The following FHIT variants were observed in gnomAD, a reference collection of about 807,000 sequenced individuals.
FHIT encodes the protein bis(5'-adenosyl)-triphosphatase.
A neutral mutation model predicts 17.9 loss-of-function variants in FHIT; 19 were observed. That is an observed-to-expected ratio of 1.06 (90% CI 0.74 to 1.56). The LOEUF (loss-of-function observed/expected upper bound fraction) is 1.56. Ranked by LOEUF, FHIT falls within the 40% of genes most tolerant of loss-of-function variation. FHIT has a pLI of 0.00. For synonymous variants in FHIT, 81 were observed against 69.7 expected, an observed-to-expected ratio of 1.16 and a Z score of -0.81; for missense variants, 248 against 189.2, an observed-to-expected ratio of 1.31 and a Z score of -1.82.
intron 7 of FHIT, among the ~76,000 whole-genome samples, chr3:60,005,712 G>T (rs1347935931): frequency 6.6e-6 from 1 of 152,152 alleles, no homozygotes; most frequent in Non-Finnish European, 1.5e-5. Flanking sequence ...CATGCATTAG[G>T]TATTAACATA....
In FHIT at chr3:61,021,844, C is replaced by T. The variant is rs189948221; in HGVS notation, c.-111+20203G>A. Among the ~76,000 whole-genome samples the T allele has an allele frequency of 2.1e-4, 32 of 152,150 alleles. 1 individual carries two copies. Among genetic ancestry groups the T allele is most frequent in the Admixed American group, 1.9e-3 (29 of 15,282 alleles). On this transcript the variant is annotated intron_variant, in intron 3 of 9. Transcript: ENST00000492590. Reference sequence around the variant, plus strand: ...CAGAATCTCTGGGACACAGCTAAAGCAGTATTTAGAGGGAAATGTATAGCA... The same window carrying T: ...CAGAATCTCTGGGACACAGCTAAAGTAGTATTTAGAGGGAAATGTATAGCA...
chr3:61,082,602 T>C (rs1481014910), intron 2 of FHIT, among the ~76,000 whole-genome samples: 1 of 152,216 alleles, frequency 6.6e-6, no homozygotes, highest in Non-Finnish European at 1.5e-5. Context: ...CAATTGTTTT[T>C]CACTAAATAT....
At chr3:60,738,629 G>C (rs1428007618) in intron 4 of FHIT, among the ~76,000 whole-genome samples, 1 of 152,206 alleles carries the variant, frequency 6.6e-6, no homozygotes, top group Non-Finnish European at 1.5e-5. Flanking sequence ...TCAAGTTCTC[G>C]ATCTGTACCA....
chr3:60,999,960 G>T (rs573537963), intron 3 of FHIT, among the ~76,000 whole-genome samples: 9 of 152,178 alleles, frequency 5.9e-5, no homozygotes, highest in East Asian at 3.9e-4. Flanking sequence ...CAAGCTCCCT[G>T]GGGCCTCTTT....
At chr3:59,913,865 G>A (rs1000473906) in intron 8 of FHIT, among the ~76,000 whole-genome samples, 1 of 152,140 alleles carries the variant, frequency 6.6e-6, no homozygotes, top group Non-Finnish European at 1.5e-5. Context: ...AGAATTTAGA[G>A]CTACACAGGT....
Position 60,019,705 on chromosome 3 carries a change from G to A in FHIT, c.104-5553C>T, listed in dbSNP as rs139608790. Among the ~76,000 whole-genome samples the A allele has an allele frequency of 7.0e-3, 1,070 of 152,168 alleles. 13 individuals are homozygous for A. Among genetic ancestry groups the A allele is most frequent in the Middle Eastern group, 0.02 (6 of 294 alleles). On this transcript the variant is annotated intron_variant, in intron 5 of 9. Coordinates refer to ENST00000492590, the MANE Select transcript of FHIT (RefSeq NM_002012.4). ...AGTGCTGGGGTTACAGGCATGAGCC[G>A]CCGTGCCCAGCCGAGATGGATCTTA...
rs3046704 is a variant in FHIT, at chr3:60,850,323, T to TTCTCTCTCTC, written c.-110-28322_-110-28313dup. ...CATGTTAGGGCCTTTGTGTCTGCAC[T>TTCTCTCTCTC]TCTCTCTCTCTCTCTCTCTCTCTCT... On this transcript the variant is annotated intron_variant, in intron 3 of 9. Transcript: ENST00000492590. 5.1e-3 allele frequency among the ~76,000 whole-genome samples: 613 copies of TTCTCTCTCTC among 120,198 alleles called. 10 individuals carry two copies. Among genetic ancestry groups the TTCTCTCTCTC allele is most frequent in the African/African-American group, 7.0e-3 (224 of 31,974 alleles). The allele number at this position is 120,198 out of a possible 152,430, so 78.9% of individuals were successfully genotyped here. A position where few individuals can be genotyped will look rare whatever the true frequency, so the allele number is the denominator to read the frequency against.
intron 5 of FHIT, 117 bp downstream of exon 5, chr3:60,536,743 G>A (rs1023035591): frequency 1.8e-6 from 2 of 1,104,678 alleles, no homozygotes; most frequent in African/African-American, 3.2e-5. Flanking sequence ...GAGGGAGATG[G>A]ATTCTTTATT....
chr3:60,571,060 G>A (rs1481035660), intron 4 of FHIT, among the ~76,000 whole-genome samples: 1 of 152,020 alleles, frequency 6.6e-6, no homozygotes, highest in Non-Finnish European at 1.5e-5. Flanking sequence ...GGGCACAGTG[G>A]CTCTCACCTG....
chr3:61,133,244 A>G (rs906358896), intron 2 of FHIT, among the ~76,000 whole-genome samples: 1 of 152,206 alleles, frequency 6.6e-6, no homozygotes, highest in Non-Finnish European at 1.5e-5. Context: ...AATAAAATTA[A>G]TCTCTGTATC....
At chr3:61,008,236 C>T (rs1245637256) in intron 3 of FHIT, among the ~76,000 whole-genome samples, 1 of 152,188 alleles carries the variant, frequency 6.6e-6, no homozygotes, top group Non-Finnish European at 1.5e-5. Flanking sequence ...TTAAAAGGTA[C>T]TGTCCACAGT....
At chr3:60,379,808 G>T (rs1054139649) in intron 5 of FHIT, among the ~76,000 whole-genome samples, 3 of 152,116 alleles carry the variant, frequency 2.0e-5, no homozygotes, top group African/African-American at 7.2e-5. Context: ...CAAAATAAAT[G>T]AAATTGAGGG....
chr3:60,128,647 C>T lies in FHIT; in HGVS notation c.104-114495G>A, dbSNP rs1319151179. On this transcript the variant is annotated intron_variant, in intron 5 of 9. Transcript: ENST00000492590. Reference sequence around the variant, plus strand: ...AGAACTGGGCCACATGCCCAGAAGGCAAGTAAGAATTACTCTGCAACCAAC... The same window carrying T: ...AGAACTGGGCCACATGCCCAGAAGGTAAGTAAGAATTACTCTGCAACCAAC... Among the ~76,000 whole-genome samples the T allele has an allele frequency of 4.6e-5, 7 of 152,314 alleles. No homozygotes were observed. In the East Asian group the frequency reaches 5.8e-4, roughly 13 times the overall value.
chr3:59,818,428 G>A (rs79264790), intron 8 of FHIT, among the ~76,000 whole-genome samples: 4,056 of 152,092 alleles, frequency 0.027, 184 homozygotes, highest in African/African-American at 0.091. Context: ...AGAAACACCA[G>A]CTTCCCTTCT....
chr3:61,006,065 A>C (rs1057273087), intron 3 of FHIT, among the ~76,000 whole-genome samples: 1 of 147,360 alleles, frequency 6.8e-6, no homozygotes, highest in African/African-American at 2.5e-5. Flanking sequence ...CACCATGCTT[A>C]AAACAAGGTT....
intron 1 of FHIT, among the ~76,000 whole-genome samples, chr3:61,209,780 G>A (rs1356038784): frequency 6.6e-6 from 1 of 152,114 alleles, no homozygotes; most frequent in Non-Finnish European, 1.5e-5. Flanking sequence ...GCTCGGAGTA[G>A]TTTGATCATC....
At chr3:59,986,498 AATATATAT>A (rs74199531) in intron 7 of FHIT, among the ~76,000 whole-genome samples, 2 of 62,308 alleles carry the variant, frequency 3.2e-5, no homozygotes, top group Admixed American at 2.6e-4. Context: ...AGTAGTCCAA[AATATATAT>A]ATATATATAT....
In FHIT at chr3:60,513,878, G is replaced by A. The variant is rs372737911; in HGVS notation, c.103+22982C>T. ...TGCCCATAAGAACCCCAAACCCCAC[G>A]CTCCATGAGCAGAAGAGCAGCAGAG... On this transcript the variant is annotated intron_variant, in intron 5 of 9. Coordinates refer to ENST00000492590, the MANE Select transcript of FHIT (RefSeq NM_002012.4). 6.6e-5 allele frequency among the ~76,000 whole-genome samples: 10 copies of A among 152,122 alleles called. No homozygotes were observed. The East Asian group carries it at 9.7e-4, about 15-fold the overall frequency.
chr3:60,087,208 A>G (rs1703531577), intron 5 of FHIT, among the ~76,000 whole-genome samples: 1 of 152,212 alleles, frequency 6.6e-6, no homozygotes, highest in Admixed American at 6.5e-5. Context: ...GAGGCAGCCC[A>G]GGGCAGCAAT....
Sources: allele counts gnomAD v4.1 joint callset (sites outside exome capture counted in the v4.1 genomes callset), GRCh38; gene constraint gnomAD v4.1.1; transcripts MANE v1.5; gene names NCBI Gene and HGNC (gene_info 2026-07-23, HGNC 2026-07-21).